Variants in CDYL2 observed in about 807,000 individuals in gnomAD.
CDYL2 encodes chromodomain Y like 2, also known as chromodomain Y-like protein 2.
A neutral mutation model predicts 49.4 loss-of-function variants in CDYL2; 23 were observed. The ratio of observed to expected loss-of-function variants is 0.47; its 90% CI spans 0.34 to 0.66. The LOEUF is 0.66. Ranked by LOEUF, CDYL2 falls within the 30% of genes least tolerant of loss-of-function variation. The pLI, the probability that CDYL2 is intolerant of heterozygous loss-of-function variation, is 0.01. For synonymous variants in CDYL2, 360 were observed against 268.8 expected, an observed-to-expected ratio of 1.34 and a Z score of -3.32; for missense variants, 678 against 656.4, an observed-to-expected ratio of 1.03 and a Z score of -0.36.
intron 1 of CDYL2, among the ~76,000 whole-genome samples, chr16:80,746,334 T>C (rs929672910): frequency 2.6e-5 from 4 of 152,222 alleles, no homozygotes; most frequent in African/African-American, 9.6e-5. Context: ...TCCCAAGCGC[T>C]ATGAATTCAG....
intron 3 of CDYL2, among the ~76,000 whole-genome samples, chr16:80,623,568 G>A (rs186484830): frequency 1.4e-4 from 22 of 152,348 alleles, no homozygotes; most frequent in Admixed American, 1.4e-3. Flanking sequence ...AGCCCAGACC[G>A]ACAGGATGAG....
intron 1 of CDYL2, among the ~76,000 whole-genome samples, chr16:80,762,886 G>A (rs187404996): frequency 6.6e-6 from 1 of 152,270 alleles, no homozygotes; most frequent in East Asian, 1.9e-4. Flanking sequence ...ACATCTGTGA[G>A]CTTCATTCAA....
intron 3 of CDYL2, among the ~76,000 whole-genome samples, chr16:80,627,372 G>C (rs912194015): frequency 7.3e-5 from 11 of 151,668 alleles, no homozygotes; most frequent in Non-Finnish European, 1.6e-4. Flanking sequence ...TCTGGCTAAG[G>C]CCATACTTAC....
intron 1 of CDYL2, among the ~76,000 whole-genome samples, chr16:80,694,746 A>G (rs1045122445): frequency 7.2e-5 from 11 of 152,144 alleles, no homozygotes; most frequent in Admixed American, 5.9e-4. Flanking sequence ...GTTTCTTAAT[A>G]TCACTCTCCA....
intron 2 of CDYL2, among the ~76,000 whole-genome samples, chr16:80,670,537 G>T (rs1909458311): frequency 6.6e-6 from 1 of 152,094 alleles, no homozygotes; most frequent in South Asian, 2.1e-4. Context: ...GTCTTCATTA[G>T]CAACTTGAGA....
At chr16:80,663,861 G>C (rs1909150484) in intron 2 of CDYL2, among the ~76,000 whole-genome samples, 1 of 152,110 alleles carries the variant, frequency 6.6e-6, no homozygotes, top group Non-Finnish European at 1.5e-5. Flanking sequence ...CAAAGTGCTG[G>C]GATTAGAGGT....
intron 1 of CDYL2, among the ~76,000 whole-genome samples, chr16:80,746,031 A>C (rs945996282): frequency 2.6e-5 from 4 of 152,204 alleles, no homozygotes; most frequent in Non-Finnish European, 5.9e-5. Flanking sequence ...TCTCTGTATT[A>C]TCCACACACA....
chr16:80,727,642 G>C (rs1905207581), intron 1 of CDYL2, among the ~76,000 whole-genome samples: 1 of 152,238 alleles, frequency 6.6e-6, no homozygotes, highest in Non-Finnish European at 1.5e-5. Context: ...ACCTCTGGGG[G>C]CAGGGCACAG....
intron 1 of CDYL2, among the ~76,000 whole-genome samples, chr16:80,763,475 G>A (rs966707578): frequency 6.6e-6 from 1 of 151,832 alleles, no homozygotes; most frequent in Admixed American, 6.6e-5. Flanking sequence ...AGCCAGGCAT[G>A]GTGGCAGGCA....
intron 1 of CDYL2, among the ~76,000 whole-genome samples, chr16:80,705,430 C>A (rs1426948722): frequency 3.3e-5 from 5 of 152,256 alleles, no homozygotes; most frequent in Non-Finnish European, 7.3e-5. Context: ...AAGGCCTCTA[C>A]AAGAACCCAC....
rs73590414 is a variant in CDYL2 at position 80,609,917 on chromosome 16, G to A, written c.1219-1682C>T. Among the ~76,000 whole-genome samples, 1,358 of 152,152 alleles carry A rather than the reference G, an allele frequency of 8.9e-3. 18 individuals carry two copies. The highest frequency in any genetic ancestry group is 0.031 in the African/African-American group (1,298 of 41,500). ...ACATAAACATAGTTTAGTCACTGACGTGTGACTCTGGGCAAGTCACTTAAC... is the reference window on the plus strand; with the variant it reads ...ACATAAACATAGTTTAGTCACTGACATGTGACTCTGGGCAAGTCACTTAAC... On this transcript the variant is annotated intron_variant, in intron 5 of 6. Coordinates refer to ENST00000570137, the MANE Select transcript of CDYL2 (RefSeq NM_152342.4).
chr16:80,668,610 T>C (rs926523479), intron 2 of CDYL2, among the ~76,000 whole-genome samples: 2 of 151,908 alleles, frequency 1.3e-5, no homozygotes, highest in African/African-American at 4.8e-5. Flanking sequence ...GAAGGGAGAA[T>C]ATGGAGACTT....
At chr16:80,753,011 T>C (rs1475565382) in intron 1 of CDYL2, among the ~76,000 whole-genome samples, 1 of 152,154 alleles carries the variant, frequency 6.6e-6, no homozygotes, top group Admixed American at 6.5e-5. Context: ...AAATAATTAG[T>C]AATAATGACA....
intron 1 of CDYL2, among the ~76,000 whole-genome samples, chr16:80,739,663 C>A (rs1015200225): frequency 1.3e-5 from 2 of 152,098 alleles, no homozygotes; most frequent in African/African-American, 4.8e-5. Context: ...CCATCCACAC[C>A]GCCACCCACA....
At chr16:80,665,896 T>C (rs572200105) in intron 2 of CDYL2, among the ~76,000 whole-genome samples, 2 of 152,284 alleles carry the variant, frequency 1.3e-5, no homozygotes, top group South Asian at 4.2e-4. Context: ...CCAGGGGCTG[T>C]CCCTCTTGAT....
chr16:80,642,646 C>T (rs1323798947), intron 2 of CDYL2, among the ~76,000 whole-genome samples: 1 of 152,018 alleles, frequency 6.6e-6, no homozygotes, highest in Non-Finnish European at 1.5e-5. Flanking sequence ...GCTGGGGAGG[C>T]CTCAGAATCA....
intron 1 of CDYL2, among the ~76,000 whole-genome samples, chr16:80,699,179 T>C (rs1250001639): frequency 1.3e-5 from 2 of 152,092 alleles, no homozygotes; most frequent in African/African-American, 4.8e-5. Context: ...GGAAGGAAAA[T>C]CAGTATGTCT....
chr16:80,764,287 A>C (rs1906637692), intron 1 of CDYL2, among the ~76,000 whole-genome samples: 1 of 152,206 alleles, frequency 6.6e-6, no homozygotes, highest in African/African-American at 2.4e-5. Context: ...CTGTTTTAAA[A>C]AGAAATATAT....
intron 1 of CDYL2, among the ~76,000 whole-genome samples, chr16:80,726,154 T>C (rs1905155930): frequency 6.6e-6 from 1 of 152,198 alleles, no homozygotes; most frequent in Non-Finnish European, 1.5e-5. Context: ...GGATAATGGG[T>C]TCATAGGAGT....
Sources: allele counts gnomAD v4.1 joint callset (sites outside exome capture counted in the v4.1 genomes callset), GRCh38; gene constraint gnomAD v4.1.1; transcripts MANE v1.5; gene names NCBI Gene and HGNC (gene_info 2026-07-23, HGNC 2026-07-21).